HIVEP1: variants seen among roughly 807,000 people sequenced by gnomAD.
HIVEP1 encodes zinc finger protein 40.
A neutral mutation model predicts 180.0 loss-of-function variants in HIVEP1; 36 were observed. The observed-to-expected ratio is 0.20, with a 90% CI of 0.15 to 0.26. The LOEUF (loss-of-function observed/expected upper bound fraction) is 0.26, where lower values mean the gene tolerates loss of function less well. HIVEP1 is among the 10% of genes least tolerant of loss of function. The pLI is 1.00. For missense variants in HIVEP1, 3,143 were observed against 3,268.7 expected (o/e 0.96, Z 0.94); for synonymous variants, 1,239 against 1,239.0 (o/e 1.00, Z 0.00).
At chr6:12,155,557 A>G (rs554454656) in intron 7 of HIVEP1, among the ~76,000 whole-genome samples, 4 of 152,096 alleles carry the variant, frequency 2.6e-5, no homozygotes, top group African/African-American at 9.7e-5. Context: ...ATGGCTTCCA[A>G]ATCCATCTAT....
At chr6:12,009,120 T>TGGCGGCGGC (rs950139776), upstream of HIVEP1, among the ~76,000 whole-genome samples, 42 of 146,058 alleles carry the variant, frequency 2.9e-4, no homozygotes, top group East Asian at 3.4e-3. Flanking sequence ...CGCGTGGCGG[T>TGGCGGCGGC]GGCGGCGGCG....
intron 2 of HIVEP1, among the ~76,000 whole-genome samples, chr6:12,035,853 A>G (rs1157906024): frequency 6.6e-6 from 1 of 152,262 alleles, no homozygotes; most frequent in Admixed American, 6.5e-5. Flanking sequence ...AACAAAAAGC[A>G]TGACAGATAG....
intron 2 of HIVEP1, chr6:12,037,880 T>A: frequency 2.5e-6 from 1 of 397,030 alleles, no homozygotes; most frequent in Non-Finnish European, 4.5e-6. Flanking sequence ...CTAGCTACTT[T>A]TTTTTTTTGG....
At chr6:12,049,149 G>C (rs1770328673) in intron 2 of HIVEP1, among the ~76,000 whole-genome samples, 1 of 152,198 alleles carries the variant, frequency 6.6e-6, no homozygotes, top group Admixed American at 6.5e-5. Context: ...TGGGGTGTGG[G>C]TTACCAAATA....
intron 2 of HIVEP1, among the ~76,000 whole-genome samples, chr6:12,074,915 TGTG>T (rs895062410): frequency 2.0e-5 from 3 of 152,212 alleles, no homozygotes; most frequent in African/African-American, 7.2e-5. Context: ...TGGAAACTAA[TGTG>T]GTAATATGTT....
intron 6 of HIVEP1, among the ~76,000 whole-genome samples, chr6:12,131,565 ATT>A: frequency 6.6e-6 from 1 of 151,802 alleles, no homozygotes; most frequent in African/African-American, 2.4e-5. Context: ...ATATGTTTTT[ATT>A]TATAAGCCTC....
In HIVEP1 at chr6:12,121,733, A is replaced by G. The variant is rs1427318121; in HGVS notation, c.1938A>G (p.Leu646=). ...ACGTAGGAACGGTACACGCCCAGCT[A>G]CAAAGGCAGCAGGCTACCGATTACT... ...DSHVGTVHAQ[L]QRQQATDYSQ... is the part of the protein sequence containing the mutation. Residue 646 remains leucine (L), a synonymous_variant, in exon 4 of 9, where the codon CTA becomes CTG. Transcript: ENST00000379388. The surrounding 1 kb of genome is among the most constrained non-coding windows in gnomAD (Gnocchi z 5.3). 1.9e-6 allele frequency: 3 copies of G among 1,614,220 alleles called. No homozygotes were observed. Among genetic ancestry groups the G allele is most frequent in the South Asian group, 1.1e-5 (1 of 91,086 alleles).
Position 12,122,680 on chromosome 6 carries a change from A to G in HIVEP1, c.2885A>G (p.Glu962Gly). The G allele has an allele frequency of 6.2e-7, 1 of 1,614,232 alleles. No homozygotes were observed. Among genetic ancestry groups the G allele is most frequent in the Non-Finnish European group, 8.5e-7 (1 of 1,180,038 alleles). ...GGGCGAGGGACAATGTTTGAGTGTG[A>G]AACTTGTAGAAACAGGTATAGGAAA... Reference protein sequence around the residue: ...HQGRGTMFECETCRNRYRKLE... With the variant: ...HQGRGTMFECGTCRNRYRKLE... Residue 962 changes from glutamate to glycine, a missense_variant, in exon 4 of 9, where the codon GAA becomes GGA. By Grantham distance (98) the Glu-to-Gly change is moderately conservative. Coordinates refer to ENST00000379388, the MANE Select transcript of HIVEP1 (RefSeq NM_002114.4).
At chr6:12,106,679 T>TA (rs1284489656) in intron 3 of HIVEP1, among the ~76,000 whole-genome samples, 1 of 152,188 alleles carries the variant, frequency 6.6e-6, no homozygotes, top group East Asian at 1.9e-4. Context: ...TTTTCCTTCT[T>TA]ACCGTCATTT....
At chr6:12,180,510 A>G in the HIVEP1 span, among the ~76,000 whole-genome samples, 1 of 152,202 alleles carries the variant, frequency 6.6e-6, no homozygotes, top group African/African-American at 2.4e-5. Flanking sequence ...GATTTGCTCT[A>G]ATTGTCAGTT....
intron 3 of HIVEP1, among the ~76,000 whole-genome samples, chr6:12,099,005 A>C (rs1253541327): frequency 6.6e-6 from 1 of 152,124 alleles, no homozygotes; most frequent in Non-Finnish European, 1.5e-5. Context: ...GATTCTGTGG[A>C]TGAGTGGGAA....
chr6:12,177,682 A>G, the HIVEP1 span, among the ~76,000 whole-genome samples: 7 of 152,310 alleles, frequency 4.6e-5, no homozygotes, highest in East Asian at 1.2e-3. Flanking sequence ...TGACAATCAA[A>G]TGTCCCTTCT....
At chr6:12,204,999 A>G in the HIVEP1 span, among the ~76,000 whole-genome samples, 1 of 152,196 alleles carries the variant, frequency 6.6e-6, no homozygotes, top group Non-Finnish European at 1.5e-5. Context: ...GTGCAAAGGC[A>G]CTGGGGCAGA....
At chr6:12,149,553 C>T (rs2113644562) in intron 7 of HIVEP1, among the ~76,000 whole-genome samples, 1 of 152,308 alleles carries the variant, frequency 6.6e-6, no homozygotes, top group Non-Finnish European at 1.5e-5. Flanking sequence ...AACATCATTA[C>T]CACTTGGTAA....
At chr6:12,156,044 G>A (rs1760016820) in intron 7 of HIVEP1, among the ~76,000 whole-genome samples, 1 of 152,188 alleles carries the variant, frequency 6.6e-6, no homozygotes, top group South Asian at 2.1e-4. Flanking sequence ...CTGCATGTAT[G>A]TGTTCTTTTG....
downstream of HIVEP1, among the ~76,000 whole-genome samples, chr6:12,167,962 A>G (rs200321908): frequency 0.11 from 4,931 of 43,406 alleles, 500 homozygotes; most frequent in East Asian, 0.23. Flanking sequence ...GTATATATGT[A>G]TATATTATAT....
chr6:12,046,782 T>A (rs879942714), intron 2 of HIVEP1, among the ~76,000 whole-genome samples: 1 of 137,692 alleles, frequency 7.3e-6, no homozygotes, highest in Non-Finnish European at 1.6e-5. Flanking sequence ...TGTCTCAAAA[T>A]TAAAAAAAAG....
chr6:12,138,288 T>C (rs1463760906), intron 7 of HIVEP1, among the ~76,000 whole-genome samples: 2 of 152,246 alleles, frequency 1.3e-5, no homozygotes, highest in Admixed American at 1.3e-4. Flanking sequence ...TGTTAGAATT[T>C]AAATTTTTGG....
chr6:12,108,684 T>G (rs534078576), intron 3 of HIVEP1, among the ~76,000 whole-genome samples: 1 of 152,260 alleles, frequency 6.6e-6, no homozygotes, highest in South Asian at 2.1e-4. Context: ...CTGCTCCGAG[T>G]GCGGGGCCCG....
Sources: gnomAD v4.1 joint callset for allele counts (sites outside exome capture counted in the v4.1 genomes callset) on GRCh38, gnomAD v4.1.1 for gene constraint, Gnocchi (gnomAD v3.1) non-coding constraint, MANE v1.5 for transcripts, NCBI Gene and HGNC (gene_info 2026-07-23, HGNC 2026-07-21) for gene names.